ZNF469: variants seen among roughly 807,000 people sequenced by gnomAD.
ZNF469 encodes zinc finger protein 469.
Under a neutral mutation model 1.0 loss-of-function variants are expected in ZNF469, and 1 was observed. The ratio of observed to expected loss-of-function variants is 1.00; its 90% CI spans 0.35 to 4.73. The LOEUF is 4.73. ZNF469 is among the 30% of genes most tolerant of loss of function. The probability of loss-of-function intolerance (pLI) is 0.16; values close to 1 mark genes in which losing one functional copy is unlikely to be tolerated. For missense variants in ZNF469, 6,100 were observed against 5,356.3 expected, an observed-to-expected ratio of 1.14 and a Z score of -4.33; for synonymous variants, 2,703 against 2,363.4, an observed-to-expected ratio of 1.14 and a Z score of -4.17.
At chr16:88,396,844 G>GACCCTCCTGAAGGGAGGCCGGGAGGAC (rs1191793917) in intron 1 of ZNF469, among the ~76,000 whole-genome samples, 7 of 133,140 alleles carry the variant, frequency 5.3e-5, no homozygotes, top group African/African-American at 8.6e-5. Context: ...GCCTGGAGGA[G>GACCCTCCTGAAGGGAGGCCGGGAGGAC]ACCCTCCTGA....
intron 1 of ZNF469, among the ~76,000 whole-genome samples, chr16:88,384,919 C>G (rs765464945): frequency 2.6e-4 from 40 of 152,196 alleles, no homozygotes; most frequent in Non-Finnish European, 5.4e-4. Context: ...TCACAGCAGC[C>G]TGTTCCAGCC....
chr16:88,173,190 A>G, the ZNF469 span, among the ~76,000 whole-genome samples: 1 of 152,210 alleles, frequency 6.6e-6, no homozygotes, highest in Admixed American at 6.5e-5. Flanking sequence ...TCTGAAAGCC[A>G]GTGATAAAGA....
chr16:88,148,910 C>G, the ZNF469 span, among the ~76,000 whole-genome samples: 72 of 152,286 alleles, frequency 4.7e-4, no homozygotes, highest in African/African-American at 1.7e-3. Context: ...CCTCAGGACT[C>G]AGACAGTGCC....
the ZNF469 span, among the ~76,000 whole-genome samples, chr16:88,340,675 C>T: frequency 2.0e-5 from 3 of 150,602 alleles, no homozygotes; most frequent in Admixed American, 6.6e-5. Flanking sequence ...CAGCCGGGAG[C>T]ACAGAGGAGG....
chr16:88,201,744 A>G, the ZNF469 span, among the ~76,000 whole-genome samples: 2 of 152,134 alleles, frequency 1.3e-5, no homozygotes, highest in African/African-American at 4.8e-5. The surrounding 1 kb of genome is among the most constrained non-coding windows in gnomAD (Gnocchi z 5.0). Context: ...CTTACATGCC[A>G]GTGCCTGGCA....
intron 1 of ZNF469, among the ~76,000 whole-genome samples, chr16:88,405,576 A>G (rs1319114416): frequency 6.6e-6 from 1 of 152,140 alleles, no homozygotes; most frequent in Non-Finnish European, 1.5e-5. Flanking sequence ...AGGGCTGGGG[A>G]GTGAGTGGAC....
chr16:88,137,906 A>C, the ZNF469 span, among the ~76,000 whole-genome samples: 84,788 of 152,010 alleles, frequency 0.56, 28,190 homozygotes, highest in Non-Finnish European at 0.76. Flanking sequence ...GGGTGGGAAG[A>C]GGAAGATGGG....
chr16:88,263,490 C>T, the ZNF469 span, among the ~76,000 whole-genome samples: 1 of 152,130 alleles, frequency 6.6e-6, no homozygotes, highest in African/African-American at 2.4e-5. Context: ...TGTGCGGGGC[C>T]CCAAGGAGAC....
chr16:88,201,818 C>T, the ZNF469 span, among the ~76,000 whole-genome samples: 1 of 152,204 alleles, frequency 6.6e-6, no homozygotes, highest in South Asian at 2.1e-4. This position sits in a 1 kb window ranked among gnomAD's most constrained non-coding sequence, Gnocchi z 5.0. Context: ...CAGAAGTTCC[C>T]TAAGGCGCCG....
rs573582117 is a variant in ZNF469 at position 88,437,166 on chromosome 16, G to A, written c.9696G>A (p.Thr3232=). ...TCGCCCACCTTCTGAACAGCATCACGGAACCCGCGCCCAAACACCACAGGG... is the reference window on the plus strand; with the variant it reads ...TCGCCCACCTTCTGAACAGCATCACAGAACCCGCGCCCAAACACCACAGGG... ...SAVAHLLNSI[T]EPAPKHHRGK... The change falls in exon 3 of 3, where the codon ACG becomes ACA. Residue 3232 remains threonine (T), a synonymous_variant. Transcript: ENST00000565624. 1.3e-3 allele frequency: 1,953 copies of A among 1,549,408 alleles called. No homozygotes were observed. The highest frequency in any genetic ancestry group is 1.6e-3 in the Non-Finnish European group (1,877 of 1,146,600).
chr16:88,221,655 G>T, the ZNF469 span, among the ~76,000 whole-genome samples: 1 of 152,198 alleles, frequency 6.6e-6, no homozygotes, highest in Non-Finnish European at 1.5e-5. Context: ...CATCCCCAGG[G>T]GTCCTGTAAC....
chr16:88,349,179 A>G, the ZNF469 span, among the ~76,000 whole-genome samples: 9 of 152,288 alleles, frequency 5.9e-5, no homozygotes, highest in Admixed American at 4.6e-4. Context: ...CCAGACACCC[A>G]GGCCGGTGCA....
chr16:88,125,708 A>G, the ZNF469 span, among the ~76,000 whole-genome samples: 1 of 152,238 alleles, frequency 6.6e-6, no homozygotes, highest in African/African-American at 2.4e-5. Context: ...ATAGTAGCTC[A>G]TATTTTGTTA....
chr16:88,369,416 G>T, the ZNF469 span, among the ~76,000 whole-genome samples: 1 of 152,360 alleles, frequency 6.6e-6, no homozygotes, highest in Middle Eastern at 3.4e-3. Context: ...CAGCCCAGTA[G>T]GCTGGGGTCT....
the ZNF469 span, among the ~76,000 whole-genome samples, chr16:88,220,998 G>T: frequency 0.011 from 1,653 of 152,264 alleles, 29 homozygotes; most frequent in African/African-American, 0.038. Flanking sequence ...ACCCTGCACT[G>T]GTCCCTGAAT....
chr16:88,219,625 G>A, the ZNF469 span, among the ~76,000 whole-genome samples: 2 of 150,902 alleles, frequency 1.3e-5, no homozygotes, highest in African/African-American at 4.9e-5. Flanking sequence ...AATTCAAGAT[G>A]GATTAAAGAC....
At chr16:88,166,868 A>G in the ZNF469 span, among the ~76,000 whole-genome samples, 2 of 151,994 alleles carry the variant, frequency 1.3e-5, no homozygotes, top group East Asian at 1.9e-4. The surrounding 1 kb of genome is among the most constrained non-coding windows in gnomAD (Gnocchi z 4.5). Context: ...CACCACATTG[A>G]TAACAGATAG....
At chr16:88,289,765 T>C in the ZNF469 span, among the ~76,000 whole-genome samples, 1 of 152,174 alleles carries the variant, frequency 6.6e-6, no homozygotes, top group Admixed American at 6.5e-5. Flanking sequence ...TGGTAACAGA[T>C]GTTAGAAATG....
At chr16:88,235,776 C>A in the ZNF469 span, among the ~76,000 whole-genome samples, 3 of 152,232 alleles carry the variant, frequency 2.0e-5, no homozygotes, top group Admixed American at 1.3e-4. Context: ...ATGTGAGGAG[C>A]GTGACCCGTG....
Sources: gnomAD v4.1 joint callset for allele counts (sites outside exome capture counted in the v4.1 genomes callset) on GRCh38, gnomAD v4.1.1 for gene constraint, Gnocchi (gnomAD v3.1) non-coding constraint, MANE v1.5 for transcripts, NCBI Gene and HGNC (gene_info 2026-07-23, HGNC 2026-07-21) for gene names.